The following AGTPBP1 variants were observed in gnomAD, a reference collection of about 807,000 sequenced individuals.
AGTPBP1 encodes the protein cytosolic carboxypeptidase 1.
AGTPBP1 carries 70 observed loss-of-function variants against 143.9 expected under a neutral mutation model. The observed-to-expected ratio is 0.49, with a 90% confidence interval of 0.40 to 0.59. The LOEUF (loss-of-function observed/expected upper bound fraction) is 0.59, where lower values mean the gene tolerates loss of function less well. Ranked by LOEUF, AGTPBP1 falls within the 20% of genes least tolerant of loss-of-function variation. AGTPBP1 has a pLI of 0.00. For synonymous variants in AGTPBP1, 463 were observed against 500.2 expected, an observed-to-expected ratio of 0.93 and a Z score of 0.99; for missense variants, 1,229 against 1,464.5, an observed-to-expected ratio of 0.84 and a Z score of 2.62.
chr9:85,761,434 C>T, the AGTPBP1 span, among the ~76,000 whole-genome samples: 1 of 152,086 alleles, frequency 6.6e-6, no homozygotes. Flanking sequence ...AGATATAGAC[C>T]AATGGAACAG....
chr9:85,582,096 G>A (rs1828301445), intron 23 of AGTPBP1, among the ~76,000 whole-genome samples: 1 of 152,086 alleles, frequency 6.6e-6, no homozygotes, highest in Non-Finnish European at 1.5e-5. Context: ...GAGAAAAGTT[G>A]CAAAAACAGT....
chr9:85,593,613 G>A (rs1173069478), intron 18 of AGTPBP1, among the ~76,000 whole-genome samples: 3 of 152,058 alleles, frequency 2.0e-5, no homozygotes, highest in African/African-American at 4.8e-5. Context: ...TTAGAAATAC[G>A]TATGTAAGTA....
At chr9:85,775,612 G>C in the AGTPBP1 span, among the ~76,000 whole-genome samples, 14 of 148,622 alleles carry the variant, frequency 9.4e-5, no homozygotes, top group Non-Finnish European at 1.8e-4. Context: ...ATATAAAGGG[G>C]AGTTTATTAA....
the AGTPBP1 span, among the ~76,000 whole-genome samples, chr9:85,780,754 C>T: frequency 5.9e-5 from 9 of 152,268 alleles, no homozygotes. Context: ...AAAACAAACC[C>T]ATTCAGGTAA....
chr9:85,710,699 C>CA (rs368952660), intron 2 of AGTPBP1, among the ~76,000 whole-genome samples: 47 of 146,614 alleles, frequency 3.2e-4, no homozygotes, highest in Admixed American at 4.8e-4. Flanking sequence ...ACAACAACAA[C>CA]AAAAAAAACA....
At chr9:85,706,863 A>G (rs62570567) in intron 2 of AGTPBP1, among the ~76,000 whole-genome samples, 2,242 of 152,204 alleles carry the variant, frequency 0.015, 25 homozygotes, top group Middle Eastern at 0.037. Context: ...ACGACAGAGC[A>G]AGACTCCATC....
rs193186157 is a variant in AGTPBP1 at position 85,568,774 on chromosome 9, G to A, written c.3503+6541C>T. On this transcript the variant is annotated intron_variant, in intron 25 of 25. Transcript: ENST00000357081. ...GAAGAGAAATCAAAAAGTTCTGGGT[G>A]ATGGATTGGGTTAAGGGTAAGCGAG... Among the ~76,000 whole-genome samples the A allele has an allele frequency of 8.5e-5, 13 of 152,266 alleles. No homozygotes were observed. The East Asian group carries it at 2.5e-3, about 29-fold the overall frequency.
At chr9:85,798,927 C>T in the AGTPBP1 span, among the ~76,000 whole-genome samples, 1 of 152,000 alleles carries the variant, frequency 6.6e-6, no homozygotes, top group Non-Finnish European at 1.5e-5. Flanking sequence ...TATACATGTG[C>T]CATGTTGGTT....
chr9:85,631,317 T>C (rs912036841), intron 14 of AGTPBP1, among the ~76,000 whole-genome samples: 1 of 152,262 alleles, frequency 6.6e-6, no homozygotes, highest in African/African-American at 2.4e-5. Flanking sequence ...GGCTTGTGTA[T>C]TCTTTCTACA....
At chr9:85,585,225 A>G (rs1447255731) in intron 23 of AGTPBP1, among the ~76,000 whole-genome samples, 1 of 152,250 alleles carries the variant, frequency 6.6e-6, no homozygotes, top group Non-Finnish European at 1.5e-5. Flanking sequence ...TATCGAGTTA[A>G]TAGTGCAAGC....
intron 4 of AGTPBP1, among the ~76,000 whole-genome samples, chr9:85,679,223 T>A (rs967933219): frequency 6.6e-6 from 1 of 152,174 alleles, no homozygotes; most frequent in Non-Finnish European, 1.5e-5. Flanking sequence ...TTTCTCCAAG[T>A]TTGGACAACT....
Position 85,665,361 on chromosome 9 carries a change from G to T in AGTPBP1, c.662+4124C>A, listed in dbSNP as rs78240160. Reference sequence around the variant, plus strand: ...CCAGCAAACCACCAGAAGCTAGGAAGAAGCAAGGAAGGATGCTCCCTTCCA... The same window carrying T: ...CCAGCAAACCACCAGAAGCTAGGAATAAGCAAGGAAGGATGCTCCCTTCCA... On this transcript the variant is annotated intron_variant, in intron 8 of 25. Coordinates refer to ENST00000357081, the MANE Select transcript of AGTPBP1 (RefSeq NM_001330701.2). Among the ~76,000 whole-genome samples, 754 of 152,250 alleles carry T rather than the reference G, an allele frequency of 5.0e-3. 3 individuals are homozygous for T. The highest frequency in any genetic ancestry group is 9.1e-3 in the Non-Finnish European group (616 of 67,996).
the AGTPBP1 span, among the ~76,000 whole-genome samples, chr9:85,768,157 C>T: frequency 4.6e-5 from 7 of 152,160 alleles, no homozygotes; most frequent in Non-Finnish European, 5.9e-5. Context: ...CTCACTGGAG[C>T]GGGCTGTCCT....
the AGTPBP1 span, among the ~76,000 whole-genome samples, chr9:85,789,927 T>C: frequency 6.6e-6 from 1 of 152,182 alleles, no homozygotes; most frequent in Non-Finnish European, 1.5e-5. Flanking sequence ...GTATGACATA[T>C]TTTGATCTTT....
intron 12 of AGTPBP1, among the ~76,000 whole-genome samples, chr9:85,645,543 A>G (rs1487585810): frequency 6.6e-6 from 1 of 152,136 alleles, no homozygotes; most frequent in Non-Finnish European, 1.5e-5. Context: ...AAATCTTCCA[A>G]TATCTTAACT....
At chr9:85,763,757 C>A in the AGTPBP1 span, among the ~76,000 whole-genome samples, 1 of 151,962 alleles carries the variant, frequency 6.6e-6, no homozygotes, top group African/African-American at 2.4e-5. Flanking sequence ...GAAGAACCAA[C>A]TGAAAAGGTT....
intron 1 of AGTPBP1, among the ~76,000 whole-genome samples, chr9:85,718,530 G>A (rs1564178713): frequency 6.6e-6 from 1 of 151,652 alleles, no homozygotes. Context: ...GGTTTTTTCT[G>A]GTAAATATGT....
chr9:85,584,990 A>C (rs1257013377), intron 23 of AGTPBP1, among the ~76,000 whole-genome samples: 1 of 152,224 alleles, frequency 6.6e-6, no homozygotes, highest in Non-Finnish European at 1.5e-5. Context: ...CCTAAAATTC[A>C]CAAGTACAGA....
chr9:85,605,887 A>C (rs1829961016), intron 17 of AGTPBP1, among the ~76,000 whole-genome samples: 2 of 152,034 alleles, frequency 1.3e-5, no homozygotes, highest in Non-Finnish European at 2.9e-5. Flanking sequence ...ATCTCAAAAA[A>C]CCTACAACAG....
Sources: gnomAD v4.1 joint callset for allele counts (sites outside exome capture counted in the v4.1 genomes callset) on GRCh38, gnomAD v4.1.1 for gene constraint, MANE v1.5 for transcripts, NCBI Gene and HGNC (gene_info 2026-07-23, HGNC 2026-07-21) for gene names.